The following TAS2R1 variants were observed in gnomAD, a reference collection of about 807,000 sequenced individuals.
TAS2R1 encodes taste 2 receptor member 1.
For synonymous variants in TAS2R1, 141 were observed against 134.2 expected, an observed-to-expected ratio of 1.05 and a Z score of -0.35; for missense variants, 370 against 353.4, an observed-to-expected ratio of 1.05 and a Z score of -0.38.
the TAS2R1 span, among the ~76,000 whole-genome samples, chr5:9,851,683 AG>A: frequency 1.3e-5 from 2 of 152,196 alleles, no homozygotes; most frequent in Non-Finnish European, 2.9e-5. Flanking sequence ...CGTCTGGCAA[AG>A]CAACTGTCCA....
At chr5:9,729,681 G>A in the TAS2R1 span, among the ~76,000 whole-genome samples, 1 of 152,150 alleles carries the variant, frequency 6.6e-6, no homozygotes, top group African/African-American at 2.4e-5. Flanking sequence ...ACCGGAGGCA[G>A]CACTTAAATA....
chr5:9,861,898 C>T, the TAS2R1 span, among the ~76,000 whole-genome samples: 2 of 152,182 alleles, frequency 1.3e-5, no homozygotes, highest in Non-Finnish European at 2.9e-5. Flanking sequence ...CATGAGGGGT[C>T]CTCACCCCAG....
At chr5:9,787,755 A>G in the TAS2R1 span, among the ~76,000 whole-genome samples, 2 of 152,130 alleles carry the variant, frequency 1.3e-5, no homozygotes, top group Non-Finnish European at 1.5e-5. Context: ...AAAACAATCA[A>G]CTCTGAAAAA....
chr5:9,792,068 C>T, the TAS2R1 span, among the ~76,000 whole-genome samples: 43 of 152,312 alleles, frequency 2.8e-4, no homozygotes, highest in African/African-American at 9.6e-4. Flanking sequence ...ATTGCAGATC[C>T]ATGTGTCATG....
the TAS2R1 span, among the ~76,000 whole-genome samples, chr5:9,728,087 T>C: frequency 6.6e-6 from 1 of 152,120 alleles, no homozygotes; most frequent in Non-Finnish European, 1.5e-5. Flanking sequence ...ATCAAGCCCC[T>C]GTCTCCTCCC....
the TAS2R1 span, among the ~76,000 whole-genome samples, chr5:9,897,040 G>A: frequency 6.6e-6 from 1 of 152,146 alleles, no homozygotes; most frequent in Non-Finnish European, 1.5e-5. Flanking sequence ...AATTTCTAGG[G>A]CACCAGGAAA....
chr5:9,627,412 C>A lies in TAS2R1; in HGVS notation c.*1721G>T, dbSNP rs1277619625. On this transcript the variant is annotated 3_prime_UTR_variant, in exon 1 of 1. Coordinates refer to ENST00000382492, the MANE Select transcript of TAS2R1 (RefSeq NM_019599.3). ...CATTTCTTGATAACAGTATAAAAAC[C>A]TAGTCATATCTTAATAGTTATCTAA... is the stretch of plus-strand genomic sequence containing the variant. Among the ~76,000 whole-genome samples, 1 of 151,592 alleles carries A rather than the reference C, an allele frequency of 6.6e-6. No homozygotes were observed. The highest frequency in any genetic ancestry group is 1.9e-4 in the East Asian group (1 of 5,176).
At chr5:9,780,044 A>T in the TAS2R1 span, among the ~76,000 whole-genome samples, 2 of 152,230 alleles carry the variant, frequency 1.3e-5, no homozygotes. Flanking sequence ...GACCTGTTCA[A>T]AGACATTGTC....
chr5:9,818,926 C>T, the TAS2R1 span, among the ~76,000 whole-genome samples: 28,736 of 152,176 alleles, frequency 0.19, 3,292 homozygotes, highest in Middle Eastern at 0.31. Flanking sequence ...GGGCTCTCAG[C>T]TCACACAGTT....
intron 1 of TAS2R1, chr5:9,659,835 G>T (rs1001768491): frequency 1.3e-5 from 2 of 151,938 alleles, no homozygotes; most frequent in Middle Eastern, 6.8e-3. Flanking sequence ...CCCACCACAG[G>T]AAAGTGATGG....
the TAS2R1 span, among the ~76,000 whole-genome samples, chr5:9,881,960 T>G: frequency 8.5e-5 from 13 of 152,174 alleles, no homozygotes; most frequent in South Asian, 8.3e-4. Context: ...AAAGATTTTG[T>G]GACAAAAACA....
the TAS2R1 span, among the ~76,000 whole-genome samples, chr5:9,804,124 C>G: frequency 7.9e-5 from 12 of 152,046 alleles, no homozygotes; most frequent in Admixed American, 1.3e-4. Flanking sequence ...TTTAAAGCAA[C>G]AGCAGTTTAA....
chr5:9,768,966 T>C, the TAS2R1 span, among the ~76,000 whole-genome samples: 1 of 152,328 alleles, frequency 6.6e-6, no homozygotes, highest in East Asian at 1.9e-4. Context: ...CAATAAATTA[T>C]TGTTGACTGT....
At chr5:9,775,637 T>C in the TAS2R1 span, among the ~76,000 whole-genome samples, 2 of 152,086 alleles carry the variant, frequency 1.3e-5, no homozygotes, top group Non-Finnish European at 2.9e-5. Flanking sequence ...GGGCTCTCTC[T>C]CTCTAGTCAG....
At chr5:9,845,815 T>G in the TAS2R1 span, among the ~76,000 whole-genome samples, 1 of 152,220 alleles carries the variant, frequency 6.6e-6, no homozygotes, top group Non-Finnish European at 1.5e-5. Flanking sequence ...GGTTTACTGG[T>G]GGACATAACG....
At chr5:9,782,960 G>C in the TAS2R1 span, among the ~76,000 whole-genome samples, 1 of 152,172 alleles carries the variant, frequency 6.6e-6, no homozygotes, top group Non-Finnish European at 1.5e-5. Flanking sequence ...GGAGGTCAAA[G>C]TCCTGGCTCT....
At chr5:9,804,475 G>T in the TAS2R1 span, among the ~76,000 whole-genome samples, 83 of 152,220 alleles carry the variant, frequency 5.5e-4, no homozygotes, top group African/African-American at 1.8e-3. Flanking sequence ...CATTCTCCAA[G>T]ATAGACCATA....
At chr5:9,663,435 A>C (rs1049830307) in intron 1 of TAS2R1, among the ~76,000 whole-genome samples, 27 of 152,336 alleles carry the variant, frequency 1.8e-4, no homozygotes, top group Non-Finnish European at 2.5e-4. Context: ...CCAGCTGCCT[A>C]TAATAGCTCA....
the TAS2R1 span, among the ~76,000 whole-genome samples, chr5:9,874,440 T>C: frequency 4.5e-4 from 63 of 141,326 alleles, 1 homozygote; most frequent in African/African-American, 1.6e-3. Flanking sequence ...CCTAAAAGTC[T>C]AGAAATTCCT....
Sources: gnomAD v4.1 joint callset for allele counts (sites outside exome capture counted in the v4.1 genomes callset) on GRCh38, gnomAD v4.1.1 for gene constraint, MANE v1.5 for transcripts, NCBI Gene and HGNC (gene_info 2026-07-23, HGNC 2026-07-21) for gene names.